L3MBTL1: variants seen among roughly 807,000 people sequenced by gnomAD.
L3MBTL1 encodes the protein L3MBTL histone methyl-lysine binding protein 1.
L3MBTL1 carries 75 observed loss-of-function variants against 105.3 expected under a neutral mutation model. The ratio of observed to expected loss-of-function variants is 0.71; its 90% CI spans 0.59 to 0.86. The LOEUF (loss-of-function observed/expected upper bound fraction) is 0.86. Ranked by LOEUF, L3MBTL1 falls within the 40% of genes least tolerant of loss-of-function variation. The pLI is 0.00. For missense variants in L3MBTL1, 1,069 were observed against 1,126.4 expected (o/e 0.95, Z 0.73); for synonymous variants, 452 against 436.2 (o/e 1.04, Z -0.45).
At position 43,537,075 on chromosome 20, in the gene L3MBTL1, T is replaced by A. The variant is rs1158148246; in HGVS notation, c.2173+617T>A. On this transcript the variant is annotated intron_variant, in intron 19 of 21. Transcript: ENST00000418998. ...GGTGATGTCACTTGCCCAAGGTCAT[T>A]CACCTTGTAAGGGGGAGAGCTGGCA... Among the ~76,000 whole-genome samples the A allele has an allele frequency of 5.3e-5, 8 of 152,208 alleles. No individual in the cohort carries two copies. The East Asian group carries it at 1.5e-3, about 29-fold the overall frequency.
intron 19 of L3MBTL1, among the ~76,000 whole-genome samples, chr20:43,538,739 T>C (rs912370290): frequency 4.6e-5 from 7 of 152,222 alleles, no homozygotes; most frequent in African/African-American, 1.4e-4. Flanking sequence ...ACTCCTGGCC[T>C]GTGCTCTTCC....
intron 7 of L3MBTL1, among the ~76,000 whole-genome samples, chr20:43,522,677 G>A (rs59250986): frequency 1.3e-5 from 2 of 150,652 alleles, no homozygotes; most frequent in Non-Finnish European, 3.0e-5. Flanking sequence ...CCGCCATGTT[G>A]CCCAGGCTAG....
At chr20:43,529,789 C>T (rs993369011) in intron 9 of L3MBTL1, among the ~76,000 whole-genome samples, 7 of 152,140 alleles carry the variant, frequency 4.6e-5, no homozygotes, top group Non-Finnish European at 8.8e-5. Context: ...GGAAGGGCCT[C>T]CTTTGCAGAG....
intron 7 of L3MBTL1, among the ~76,000 whole-genome samples, chr20:43,518,916 CTCG>C (rs2018554948): frequency 7.1e-6 from 1 of 140,998 alleles, no homozygotes; most frequent in African/African-American, 2.6e-5. Flanking sequence ...ATCTCAGCTA[CTCG>C]GGAGGCTGAG....
At chr20:43,518,783 C>T (rs533543617) in intron 7 of L3MBTL1, among the ~76,000 whole-genome samples, 13 of 130,928 alleles carry the variant, frequency 9.9e-5, no homozygotes, top group Admixed American at 1.8e-4. Flanking sequence ...CCGAGGCAGG[C>T]GGATCATGAG....
At chr20:43,536,031 C>A (rs1017876596) in intron 17 of L3MBTL1, 66 bp from the exon 18 acceptor site, 1 of 1,598,724 alleles carries the variant, frequency 6.3e-7, no homozygotes, top group African/African-American at 1.3e-5. Context: ...CCAGCTGGGA[C>A]CAGGGCTGAG....
intron 16 of L3MBTL1, among the ~76,000 whole-genome samples, chr20:43,535,384 T>C (rs1025821764): frequency 1.1e-4 from 17 of 152,214 alleles, no homozygotes; most frequent in African/African-American, 3.9e-4. Context: ...CCCTTCCTTA[T>C]TTCCCTGCTG....
chr20:43,545,331 C>G (rs1371077704), downstream of L3MBTL1, among the ~76,000 whole-genome samples: 1 of 151,080 alleles, frequency 6.6e-6, no homozygotes, highest in Non-Finnish European at 1.5e-5. Context: ...TGCCACCGTA[C>G]TCCAGCCTAG....
chr20:43,515,366 G>A lies in L3MBTL1; in HGVS notation c.728G>A (p.Arg243His). ...ELLKPMKKRK[R>H]REYQSPSEEE... is the part of the protein sequence containing the mutation. Reference sequence around the variant, plus strand: ...CTCAAACCCATGAAGAAGAGGAAGCGCAGGGAATACCAGAGCCCATCAGAG... The same window carrying A: ...CTCAAACCCATGAAGAAGAGGAAGCACAGGGAATACCAGAGCCCATCAGAG... The change falls in exon 6 of 22, where the codon CGC becomes CAC. Residue 243 changes from arginine to histidine, a missense_variant. By Grantham distance (29) the Arg-to-His change is conservative. Coordinates refer to ENST00000418998, the MANE Select transcript of L3MBTL1 (RefSeq NM_001377303.1). 1 of 1,564,456 alleles carries A rather than the reference G, an allele frequency of 6.4e-7. No homozygotes were observed.
At chr20:43,542,560 A>G (rs1374391371), downstream of L3MBTL1, among the ~76,000 whole-genome samples, 2 of 151,562 alleles carry the variant, frequency 1.3e-5, no homozygotes, top group South Asian at 2.1e-4. Context: ...CAACATTTCA[A>G]TCAAGGTACA....
intron 7 of L3MBTL1, among the ~76,000 whole-genome samples, chr20:43,524,724 G>GA (rs1344237822): frequency 6.9e-6 from 1 of 143,998 alleles, no homozygotes; most frequent in Non-Finnish European, 1.5e-5. Flanking sequence ...TGAAGGATGT[G>GA]AAAAAAATAG....
At position 43,538,650 on chromosome 20, in the gene L3MBTL1, C is replaced by T. The variant is rs143732120; in HGVS notation, c.2174-1501C>T. Among the ~76,000 whole-genome samples, 241 of 152,270 alleles carry T rather than the reference C, an allele frequency of 1.6e-3. 1 individual carries two copies. The highest frequency in any genetic ancestry group is 5.7e-3 in the African/African-American group (235 of 41,566). ...TCTTTAGGCCTAGGAGTGTCAGCTA[C>T]TGAAGGAACTGAGGAGCCATGTCTG... On this transcript the variant is annotated intron_variant, in intron 19 of 21. Transcript: ENST00000418998.
chr20:43,513,862 C>T lies in L3MBTL1; in HGVS notation c.161C>T (p.Pro54Leu), dbSNP rs1224128612. 6.4e-7 allele frequency: 1 copy of T among 1,550,548 alleles called. No individual in the cohort carries two copies. Among genetic ancestry groups the T allele is most frequent in the Non-Finnish European group, 8.7e-7 (1 of 1,147,010 alleles). ...IPASSATLGL[P>L]SSALDVSCFP... ...GCCAGTTCGGCCACCCTCGGCCTGC[C>T]CAGCAGTGCCCTGGATGTGTCTTGC... Residue 54 changes from proline to leucine, a missense_variant, in exon 3 of 22, where the codon CCC becomes CTC. Physicochemically the swap from Pro to Leu is moderately conservative, Grantham distance 98. Coordinates refer to ENST00000418998, the MANE Select transcript of L3MBTL1 (RefSeq NM_001377303.1).
intron 7 of L3MBTL1, among the ~76,000 whole-genome samples, chr20:43,520,223 T>C (rs1328416132): frequency 1.3e-5 from 2 of 152,258 alleles, no homozygotes; most frequent in Non-Finnish European, 2.9e-5. Context: ...TTACATATTT[T>C]AGGCTGTATG....
chr20:43,524,696 G>A (rs565839384), intron 7 of L3MBTL1, among the ~76,000 whole-genome samples: 6 of 151,958 alleles, frequency 3.9e-5, no homozygotes, highest in Non-Finnish European at 5.9e-5. Flanking sequence ...GCTAGGTGCT[G>A]GAACTATGGC....
At chr20:43,525,107 G>A (rs2018958222) in intron 7 of L3MBTL1, among the ~76,000 whole-genome samples, 1 of 135,928 alleles carries the variant, frequency 7.4e-6, no homozygotes, top group African/African-American at 2.8e-5. Context: ...GAAGGATCCT[G>A]GGGAGTTAAA....
chr20:43,532,498 C>A, intron 11 of L3MBTL1: 1 of 378,158 alleles, frequency 2.6e-6, no homozygotes, highest in Non-Finnish European at 4.8e-6. Flanking sequence ...TCACCAGGTT[C>A]TTTGGGCGAA....
chr20:43,543,062 A>G (rs564539314), downstream of L3MBTL1, among the ~76,000 whole-genome samples: 6 of 151,684 alleles, frequency 4.0e-5, no homozygotes, highest in East Asian at 9.7e-4. Flanking sequence ...TTTCATGTCA[A>G]CTACAGTCGA....
intron 11 of L3MBTL1, chr20:43,532,140 G>C (rs2019369500): frequency 6.6e-6 from 1 of 152,494 alleles, no homozygotes; most frequent in Non-Finnish European, 1.5e-5. Flanking sequence ...TCCAGCCCCA[G>C]AGTTCATACT....
Sources: allele counts gnomAD v4.1 joint callset (sites outside exome capture counted in the v4.1 genomes callset), GRCh38; gene constraint gnomAD v4.1.1; transcripts MANE v1.5; gene names NCBI Gene and HGNC (gene_info 2026-07-23, HGNC 2026-07-21).